The following SMYD3 variants were observed in gnomAD, a reference collection of about 807,000 sequenced individuals.
The protein encoded by SMYD3 is histone-lysine N-methyltransferase SMYD3.
Under a neutral mutation model 57.7 loss-of-function variants are expected in SMYD3, and 36 were observed. The ratio of observed to expected loss-of-function variants is 0.62; its 90% confidence interval spans 0.48 to 0.82. The LOEUF (loss-of-function observed/expected upper bound fraction) is 0.82. SMYD3 is among the 40% of genes least tolerant of loss of function. The probability of loss-of-function intolerance (pLI) is 0.00; values close to 1 mark genes in which losing one functional copy is unlikely to be tolerated. For missense variants in SMYD3, 515 were observed against 538.8 expected, an observed-to-expected ratio of 0.96 and a Z score of 0.44; for synonymous variants, 211 against 195.0, an observed-to-expected ratio of 1.08 and a Z score of -0.68.
At chr1:245,985,552 T>C (rs2058687888) in intron 5 of SMYD3, among the ~76,000 whole-genome samples, 2 of 152,114 alleles carry the variant, frequency 1.3e-5, no homozygotes, top group African/African-American at 2.4e-5. Flanking sequence ...AGTTCAGAGG[T>C]GGGTCCAATC....
rs1351427503 is a variant in SMYD3 at position 245,889,213 on chromosome 1, T to C, written c.814-25327A>G. Among the ~76,000 whole-genome samples the C allele has an allele frequency of 6.6e-5, 10 of 152,356 alleles. No homozygotes were observed. The East Asian group carries it at 1.9e-3, about 29-fold the overall frequency. ...CAAAAGCATAAGCCTTCAAGTTCACTGTTGAGCCCGATTAACAGATAAGGG... is the reference window on the plus strand; with the variant it reads ...CAAAAGCATAAGCCTTCAAGTTCACCGTTGAGCCCGATTAACAGATAAGGG... On this transcript the variant is annotated intron_variant, in intron 8 of 11. Coordinates refer to ENST00000490107, the MANE Select transcript of SMYD3 (RefSeq NM_001167740.2).
chr1:246,327,965 G>A (rs1369312736), intron 4 of SMYD3, among the ~76,000 whole-genome samples: 1 of 152,108 alleles, frequency 6.6e-6, no homozygotes, highest in Non-Finnish European at 1.5e-5. Flanking sequence ...AGGCCAAGAC[G>A]GGCAGATCAC....
At chr1:246,064,031 C>A (rs772735446) in intron 5 of SMYD3, among the ~76,000 whole-genome samples, 3 of 152,150 alleles carry the variant, frequency 2.0e-5, no homozygotes, top group Non-Finnish European at 4.4e-5. Context: ...AATCCCAATT[C>A]CTACTTCTTC....
intron 7 of SMYD3, among the ~76,000 whole-genome samples, chr1:245,922,958 T>C (rs1185837615): frequency 2.0e-5 from 3 of 152,226 alleles, no homozygotes; most frequent in African/African-American, 7.2e-5. Flanking sequence ...TTTTGTTTTT[T>C]GTTTTTACCT....
intron 5 of SMYD3, chr1:245,930,384 T>G (rs532396992): frequency 5.9e-6 from 2 of 339,942 alleles, no homozygotes; most frequent in East Asian, 7.9e-5. Context: ...TGTCTCTTAC[T>G]CCTACAGAAA....
At chr1:245,788,413 A>G (rs1318930207) in intron 10 of SMYD3, among the ~76,000 whole-genome samples, 3 of 152,236 alleles carry the variant, frequency 2.0e-5, no homozygotes, top group Non-Finnish European at 1.5e-5. Flanking sequence ...AAGCGTTCAC[A>G]TGACTCGGGA....
chr1:246,394,886 C>T (rs1327357409), intron 1 of SMYD3, among the ~76,000 whole-genome samples: 1 of 151,226 alleles, frequency 6.6e-6, no homozygotes, highest in Admixed American at 6.6e-5. Flanking sequence ...TTATATAAGA[C>T]AGACCCCCAA....
chr1:245,752,082 G>A (rs2045409380), intron 11 of SMYD3, among the ~76,000 whole-genome samples: 1 of 152,258 alleles, frequency 6.6e-6, no homozygotes, highest in African/African-American at 2.4e-5. Context: ...GTGACAGCAC[G>A]ATTGCGGAAA....
intron 5 of SMYD3, among the ~76,000 whole-genome samples, chr1:246,260,220 G>A (rs1368704322): frequency 6.6e-6 from 1 of 152,176 alleles, no homozygotes; most frequent in East Asian, 1.9e-4. Context: ...TGTCCCACAG[G>A]AAGAGTTGCG....
intron 5 of SMYD3, among the ~76,000 whole-genome samples, chr1:246,259,314 CT>C (rs761414209): frequency 4.6e-5 from 7 of 152,168 alleles, no homozygotes; most frequent in Non-Finnish European, 1.0e-4. Flanking sequence ...TGTGCTGATT[CT>C]TTCTCAGCTG....
At chr1:245,803,497 C>T (rs781468223) in intron 10 of SMYD3, among the ~76,000 whole-genome samples, 1 of 152,100 alleles carries the variant, frequency 6.6e-6, no homozygotes. Context: ...ACACACAAAG[C>T]CCCCCAGTGG....
rs1425640517 is a variant in SMYD3, at chr1:246,489,086, C to T, written c.164+17968G>A. Among the ~76,000 whole-genome samples, 3 of 152,156 alleles carry T rather than the reference C, an allele frequency of 2.0e-5. No homozygotes were observed. The East Asian group carries it at 5.8e-4, about 29-fold the overall frequency. On this transcript the variant is annotated intron_variant, in intron 1 of 11. Transcript: ENST00000490107. ...TGCAGGCCGGGCGCGGTGGTTCACA[C>T]CTGTAATCCCAGCACTGTGGGAGGC... is the stretch of plus-strand genomic sequence containing the variant.
At chr1:246,453,877 C>T (rs2067665810) in intron 1 of SMYD3, among the ~76,000 whole-genome samples, 1 of 152,194 alleles carries the variant, frequency 6.6e-6, no homozygotes, top group African/African-American at 2.4e-5. Flanking sequence ...TAAATCTCTA[C>T]TACACCTTAC....
chr1:246,318,763 C>G (rs1287833285), intron 5 of SMYD3, among the ~76,000 whole-genome samples: 1 of 152,210 alleles, frequency 6.6e-6, no homozygotes, highest in Non-Finnish European at 1.5e-5. Context: ...TCAATACTTT[C>G]AAGCAAAGCA....
At chr1:246,076,901 A>C (rs367581871) in intron 5 of SMYD3, among the ~76,000 whole-genome samples, 47 of 152,202 alleles carry the variant, frequency 3.1e-4, no homozygotes, top group Admixed American at 6.5e-4. Context: ...AATACATAGG[A>C]TATATATACA....
At chr1:246,470,523 AT>A (rs1303441708) in intron 1 of SMYD3, among the ~76,000 whole-genome samples, 30 of 106,904 alleles carry the variant, frequency 2.8e-4, no homozygotes, top group African/African-American at 3.6e-4. Context: ...AAAAAAAAAT[AT>A]ATATATATAT....
intron 1 of SMYD3, among the ~76,000 whole-genome samples, chr1:246,476,681 T>C (rs1425785949): frequency 6.6e-6 from 1 of 152,180 alleles, no homozygotes; most frequent in African/African-American, 2.4e-5. Context: ...CAATTTACAA[T>C]AAAATTCAAG....
At chr1:246,372,449 C>T (rs187229508) in intron 1 of SMYD3, among the ~76,000 whole-genome samples, 16 of 152,332 alleles carry the variant, frequency 1.1e-4, no homozygotes, top group Admixed American at 9.8e-4. Context: ...CTCTAAAAGG[C>T]TATGACTACA....
chr1:246,341,188 G>A (rs2065628736), intron 2 of SMYD3, among the ~76,000 whole-genome samples: 1 of 152,068 alleles, frequency 6.6e-6, no homozygotes, highest in South Asian at 2.1e-4. Flanking sequence ...TGAGAATCAG[G>A]GAGAAGTACT....
Sources: allele counts gnomAD v4.1 joint callset (sites outside exome capture counted in the v4.1 genomes callset), GRCh38; gene constraint gnomAD v4.1.1; transcripts MANE v1.5; gene names NCBI Gene and HGNC (gene_info 2026-07-23, HGNC 2026-07-21).